Variants in ODAD3 observed in about 807,000 individuals in gnomAD.
ODAD3 encodes the protein outer dynein arm-docking complex subunit 3.
A neutral mutation model predicts 70.9 loss-of-function variants in ODAD3; 57 were observed. That is an observed-to-expected ratio of 0.80 (90% CI 0.65 to 1.00). The LOEUF is 1.00. ODAD3 is among the 50% of genes least tolerant of loss of function. ODAD3 has a pLI of 0.00. For missense variants in ODAD3, 797 were observed against 763.9 expected (o/e 1.04, Z -0.51); for synonymous variants, 327 against 315.9 (o/e 1.04, Z -0.37).
chr19:11,426,023 G>A (rs1200615094), intron 7 of ODAD3, 121 bp downstream of exon 7: 3 of 1,345,216 alleles, frequency 2.2e-6, no homozygotes, highest in Non-Finnish European at 3.0e-6. Flanking sequence ...GAGTCAGAGA[G>A]GGGGCGGGGT....
upstream of ODAD3, chr19:11,435,488 T>A: frequency 2.6e-6 from 1 of 386,506 alleles, no homozygotes; most frequent in Non-Finnish European, 4.8e-6. Flanking sequence ...AACTATCCTC[T>A]CTAAGGTTTC....
At chr19:11,433,558 G>T (rs1300722120) in intron 1 of ODAD3, among the ~76,000 whole-genome samples, 1 of 152,324 alleles carries the variant, frequency 6.6e-6, no homozygotes, top group Middle Eastern at 3.4e-3. Flanking sequence ...GAACAATTAG[G>T]TTACTCTTAG....
At chr19:11,435,569 CCT>C (rs1378348138), upstream of ODAD3, 4 of 772,388 alleles carry the variant, frequency 5.2e-6, no homozygotes, top group Non-Finnish European at 7.6e-6. Flanking sequence ...ACATGGCGAC[CCT>C]GAGTCTCCGT....
chr19:11,425,263 A>G (rs1359362932), intron 7 of ODAD3, among the ~76,000 whole-genome samples: 19 of 138,224 alleles, frequency 1.4e-4, no homozygotes, highest in East Asian at 8.4e-4. Context: ...ATATGTACAT[A>G]TGTGTATATG....
At position 11,426,317 on chromosome 19, in the gene ODAD3, C is replaced by T. The variant is rs1181936491; in HGVS notation, c.841-51G>A. The T allele has an allele frequency of 4.3e-6, 7 of 1,609,818 alleles. No individual in the cohort carries two copies. The African/African-American group carries it at 8.0e-5, about 18-fold the overall frequency. ...AGACCAGCTGGCACCTACCACTGCC[C>T]GCCGCAGGGTGCTGGGAGATAGATG... is the stretch of plus-strand genomic sequence containing the variant. On this transcript the variant is annotated intron_variant, in intron 6 of 12. Coordinates refer to ENST00000356392, the MANE Select transcript of ODAD3 (RefSeq NM_145045.5).
At chr19:11,424,167 GC>G in intron 7 of ODAD3, 138 bp from the exon 8 acceptor site, 1 of 1,123,918 alleles carries the variant, frequency 8.9e-7, no homozygotes, top group Non-Finnish European at 1.3e-6. Flanking sequence ...AAAGCTTGGG[GC>G]CAGATAAAGG....
chr19:11,425,093 GTGTA>G (rs1200888826), intron 7 of ODAD3, among the ~76,000 whole-genome samples: 1 of 134,266 alleles, frequency 7.4e-6, no homozygotes, highest in Admixed American at 7.1e-5. Context: ...ATGTACATAT[GTGTA>G]TATATGTATA....
In ODAD3 at chr19:11,426,176, T is replaced by TCTC; in HGVS notation, c.928_930dup (p.Glu310dup). On this transcript the variant is annotated inframe_insertion, in exon 7 of 13. Coordinates refer to ENST00000356392, the MANE Select transcript of ODAD3 (RefSeq NM_145045.5). ...TCCATGCGCTCGTTCTCCAGTTTCT[T>TCTC]CTCCTCGGCGCGCTTCTTGCACTCA... 1 of 1,612,680 alleles carries TCTC rather than the reference T, an allele frequency of 6.2e-7. No individual in the cohort carries two copies. The highest frequency in any genetic ancestry group is 1.1e-5 in the South Asian group (1 of 90,984).
chr19:11,431,317 G>A (rs1969499631), intron 1 of ODAD3: 1 of 331,364 alleles, frequency 3.0e-6, no homozygotes, highest in Non-Finnish European at 5.7e-6. Flanking sequence ...CTCCATGTTG[G>A]TCAGGCTGGT....
Position 11,422,672 on chromosome 19 carries a change from C to T in ODAD3, c.1277+29G>A, listed in dbSNP as rs1257045877. 3 of 1,607,226 alleles carry T rather than the reference C, an allele frequency of 1.9e-6. No individual in the cohort carries two copies. Among genetic ancestry groups the T allele is most frequent in the Non-Finnish European group, 2.5e-6 (3 of 1,177,056 alleles). On this transcript the variant is annotated intron_variant, in intron 9 of 12. Transcript: ENST00000356392. This position sits in a 1 kb window ranked among gnomAD's most constrained non-coding sequence, Gnocchi z 4.6. Reference sequence around the variant, plus strand: ...CACCCCGGGGGCTCAGCCCGCCCCGCCGCCCTCCCCAGAGCCCCGGTGCCT... The same window carrying T: ...CACCCCGGGGGCTCAGCCCGCCCCGTCGCCCTCCCCAGAGCCCCGGTGCCT...
rs1384564613 is a variant in ODAD3, at chr19:11,425,573, A to G, written c.963+571T>C. Among the ~76,000 whole-genome samples the G allele has an allele frequency of 3.9e-3, 493 of 126,240 alleles. 46 individuals carry two copies. The highest frequency in any genetic ancestry group is 0.018 in the African/African-American group (429 of 23,430). The allele number at this position is 126,240 out of a possible 152,430, so 82.8% of individuals were successfully genotyped here. ...TATATATGTATATATGTGTGTATGT[A>G]TGTATATATGTATGTATATGTGTAT... On this transcript the variant is annotated intron_variant, in intron 7 of 12. Transcript: ENST00000356392.
rs370707003 is a variant in ODAD3 at position 11,421,222 on chromosome 19, G to A, written c.1591-10C>T. 2 of 1,609,984 alleles carry A rather than the reference G, an allele frequency of 1.2e-6. No homozygotes were observed. Among genetic ancestry groups the A allele is most frequent in the African/African-American group, 2.7e-5 (2 of 74,834 alleles). On this transcript the variant is annotated splice_polypyrimidine_tract_variant and intron_variant, in intron 11 of 12. Transcript: ENST00000356392. ...CTAAGCTGGCGAGGAACTAAGCGGG[G>A]ATGGGAAGCGAGAGAGGAAGGTGGG... is the stretch of plus-strand genomic sequence containing the variant.
At chr19:11,435,150 C>T (rs567025020), upstream of ODAD3, 5 of 1,440,374 alleles carry the variant, frequency 3.5e-6, 1 homozygote, top group Admixed American at 8.4e-5. Flanking sequence ...GGTTGCGCTC[C>T]GCATCTCTCG....
rs763966178 is a variant in ODAD3 at position 11,421,201 on chromosome 19, G to A, written c.1602C>T (p.Ser534=). The A allele has an allele frequency of 5.0e-6, 8 of 1,613,042 alleles. No individual in the cohort carries two copies. In the African/African-American group the frequency reaches 9.4e-5, roughly 19 times the overall value. ...TGTATTCGGGCAGCCTTCCCTCTAAGCTGGCGAGGAACTAAGCGGGGATGG... is the reference window on the plus strand; with the variant it reads ...TGTATTCGGGCAGCCTTCCCTCTAAACTGGCGAGGAACTAAGCGGGGATGG... ...CHIANREFLA[S]LEGRLPEYNT... is the part of the protein sequence containing the mutation. The change falls in exon 12 of 13, where the codon AGC becomes AGT. Residue 534 remains serine (S), a synonymous_variant. Coordinates refer to ENST00000356392, the MANE Select transcript of ODAD3 (RefSeq NM_145045.5).
Position 11,426,157 on chromosome 19 carries a change from C to G in ODAD3, c.950G>C (p.Arg317Pro). The G allele has an allele frequency of 1.2e-6, 2 of 1,610,302 alleles. No homozygotes were observed. Among genetic ancestry groups the G allele is most frequent in the Non-Finnish European group, 1.7e-6 (2 of 1,179,224 alleles). The change falls in exon 7 of 13, where the codon CGC becomes CCC. Residue 317 changes from arginine (R) to proline (P), a missense_variant. Physicochemically the swap from Arg to Pro is moderately radical, Grantham distance 103 (BLOSUM62 -2). Coordinates refer to ENST00000356392, the MANE Select transcript of ODAD3 (RefSeq NM_145045.5). Reference protein sequence around the residue: ...RAEEKKLENERMERKTHREHL... With the variant: ...RAEEKKLENEPMERKTHREHL... ...GGGTGCGCCCACCTTGCGCTCCATG[C>G]GCTCGTTCTCCAGTTTCTTCTCCTC...
At chr19:11,423,181 C>A (rs1187690688) in intron 8 of ODAD3, among the ~76,000 whole-genome samples, 1 of 152,236 alleles carries the variant, frequency 6.6e-6, no homozygotes, top group African/African-American at 2.4e-5. Flanking sequence ...GTGAATCTCG[C>A]CCGATTCCGC....
intron 10 of ODAD3, 126 bp from the exon 11 acceptor site, chr19:11,421,958 C>T: frequency 9.4e-7 from 1 of 1,061,032 alleles, no homozygotes; most frequent in Non-Finnish European, 1.3e-6. Context: ...AGGGTCGATC[C>T]TAGCCATTGG....
chr19:11,421,185 G>A lies in ODAD3; in HGVS notation c.1618C>T (p.Pro540Ser). 1.2e-6 allele frequency: 2 copies of A among 1,613,498 alleles called. No homozygotes were observed. The highest frequency in any genetic ancestry group is 1.7e-6 in the Non-Finnish European group (2 of 1,179,882). Residue 540 changes from proline (P) to serine (S), a missense_variant, in exon 12 of 13, where the codon CCC becomes TCC. Transcript: ENST00000356392. ...EFLASLEGRL[P>S]EYNTRIALPL... ...AGGGCGATGCGGGTGTTGTATTCGG[G>A]CAGCCTTCCCTCTAAGCTGGCGAGG... is the stretch of plus-strand genomic sequence containing the variant.
chr19:11,430,822 C>G, intron 2 of ODAD3, 46 bp from the exon 3 acceptor site: 2 of 1,614,010 alleles, frequency 1.2e-6, no homozygotes, highest in Non-Finnish European at 1.7e-6. Context: ...CCACCTCCAG[C>G]TAAGGCCAGG....
Sources: allele counts gnomAD v4.1 joint callset (sites outside exome capture counted in the v4.1 genomes callset), GRCh38; gene constraint gnomAD v4.1.1; non-coding constraint Gnocchi (gnomAD v3.1); transcripts MANE v1.5; gene names NCBI Gene and HGNC (gene_info 2026-07-23, HGNC 2026-07-21).